The following GLT1D1 variants were observed in gnomAD, a reference collection of about 807,000 sequenced individuals.
GLT1D1 encodes the protein glycosyltransferase 1 domain containing 1.
GLT1D1 carries 21 observed loss-of-function variants against 28.7 expected under a neutral mutation model. The ratio of observed to expected loss-of-function variants is 0.73; its 90% confidence interval spans 0.52 to 1.05. The LOEUF is 1.05. GLT1D1 is among the 50% of genes least tolerant of loss of function. The probability of loss-of-function intolerance (pLI) is 0.00; values close to 1 mark genes in which losing one functional copy is unlikely to be tolerated. For synonymous variants in GLT1D1, 147 were observed against 124.8 expected (o/e 1.18, Z -1.19); for missense variants, 343 against 330.6 (o/e 1.04, Z -0.29).
intron 4 of GLT1D1, among the ~76,000 whole-genome samples, chr12:128,913,219 A>T (rs1256479086): frequency 6.6e-6 from 1 of 151,746 alleles, no homozygotes; most frequent in African/African-American, 2.4e-5. Flanking sequence ...GTTTAAACAC[A>T]GTTTTTTGTT....
At chr12:128,885,794 T>A (rs1957161250) in intron 2 of GLT1D1, among the ~76,000 whole-genome samples, 1 of 152,196 alleles carries the variant, frequency 6.6e-6, no homozygotes, top group Admixed American at 6.5e-5. Flanking sequence ...GTGTGTATCT[T>A]TTAGGTGTCT....
chr12:128,886,772 G>A (rs928111902), intron 2 of GLT1D1, among the ~76,000 whole-genome samples: 1 of 151,892 alleles, frequency 6.6e-6, no homozygotes, highest in Non-Finnish European at 1.5e-5. Flanking sequence ...TGGGAATTAG[G>A]ATGTGGACAT....
At chr12:128,883,188 T>G (rs1342829262) in intron 2 of GLT1D1, among the ~76,000 whole-genome samples, 1 of 150,884 alleles carries the variant, frequency 6.6e-6, no homozygotes, top group Non-Finnish European at 1.5e-5. Flanking sequence ...CCTCCCAAAG[T>G]GCTGGGATTA....
chr12:128,883,160 G>A (rs540938115), intron 2 of GLT1D1, among the ~76,000 whole-genome samples: 7 of 151,052 alleles, frequency 4.6e-5, no homozygotes, highest in South Asian at 4.2e-4. Flanking sequence ...TCCTGACCTC[G>A]TTATCTGCCC....
chr12:128,911,909 C>T (rs1871571338), intron 4 of GLT1D1, among the ~76,000 whole-genome samples: 1 of 152,040 alleles, frequency 6.6e-6, no homozygotes, highest in Admixed American at 6.6e-5. Context: ...AAGGATCTGC[C>T]TCCTGGGGCC....
At chr12:128,896,686 C>G (rs1869675089) in intron 3 of GLT1D1, among the ~76,000 whole-genome samples, 1 of 150,548 alleles carries the variant, frequency 6.6e-6, no homozygotes, top group Non-Finnish European at 1.5e-5. Context: ...TTCAAGCGGT[C>G]CCCCTGCCTC....
At chr12:128,926,375 T>G in intron 4 of GLT1D1, 1 of 1,522,304 alleles carries the variant, frequency 6.6e-7, no homozygotes, top group Non-Finnish European at 8.8e-7. Context: ...ACCAAAGTGC[T>G]GATAATTTGC....
rs757636287 is a variant in GLT1D1, at chr12:128,965,710, TAAAAA to T, written c.639+8088_639+8092del. On this transcript the variant is annotated intron_variant, in intron 7 of 7. Coordinates refer to ENST00000281703, the MANE Select transcript of GLT1D1 (RefSeq NM_144669.3). ...AACATGGCAAAGTCTTGTCTCTGCTTAAAAAAAAAAAAAAAAAAAAAAAAAGAAAA... is the reference window on the plus strand; with the variant it reads ...AACATGGCAAAGTCTTGTCTCTGCTTAAAAAAAAAAAAAAAAAAAAGAAAA... 5.2e-3 allele frequency among the ~76,000 whole-genome samples: 541 copies of T among 104,694 alleles called. 7 individuals are homozygous for T. The highest frequency in any genetic ancestry group is 0.011 in the African/African-American group (318 of 28,222). The allele number at this position is 104,694 out of a possible 152,430, so 68.7% of individuals were successfully genotyped here. A position where few individuals can be genotyped will look rare whatever the true frequency, so the allele number is the denominator to read the frequency against.
intron 6 of GLT1D1, among the ~76,000 whole-genome samples, chr12:128,955,372 A>C (rs1271434600): frequency 6.6e-6 from 1 of 152,126 alleles, no homozygotes; most frequent in East Asian, 1.9e-4. Context: ...AGGTTGATCA[A>C]GGCACTGCTA....
In GLT1D1 at chr12:128,945,365, A is replaced by G; in HGVS notation, c.415A>G (p.Lys139Glu). 1 of 1,613,678 alleles carries G rather than the reference A, an allele frequency of 6.2e-7. No individual in the cohort carries two copies. The highest frequency in any genetic ancestry group is 8.5e-7 in the Non-Finnish European group (1 of 1,179,534). The change falls in exon 5 of 8, where the codon AAA becomes GAA. Residue 139 changes from lysine (K) to glutamate (E), a missense_variant. Lys to Glu is a moderately conservative substitution (Grantham distance 56, BLOSUM62 1). Transcript: ENST00000281703. Reference sequence around the variant, plus strand: ...TACAAGGGAAGTGAAAGCCAAAGTGAAAAGGTAAGAGTTGGTGGAGACCAG... The same window carrying G: ...TACAAGGGAAGTGAAAGCCAAAGTGGAAAGGTAAGAGTTGGTGGAGACCAG...
chr12:128,971,465 CCTCTGCCTCCCTCCCTCCCTCT>C (rs1431081171), intron 7 of GLT1D1, among the ~76,000 whole-genome samples: 4 of 109,452 alleles, frequency 3.7e-5, no homozygotes, highest in Non-Finnish European at 5.8e-5. Context: ...TCCATCCCTC[CCTCTGCCTCCCTCCCTCCCTCT>C]CTCTACCTCC....
rs565041836 is a variant in GLT1D1 at position 128,899,306 on chromosome 12, T to C, written c.375+19T>C. Reference sequence around the variant, plus strand: ...GCAGTGGGTATGTGTTTATCTGGTGTTGTTATTTTGGTTGTGCTGATGAAA... The same window carrying C: ...GCAGTGGGTATGTGTTTATCTGGTGCTGTTATTTTGGTTGTGCTGATGAAA... On this transcript the variant is annotated intron_variant, in intron 4 of 7. Transcript: ENST00000281703. The C allele has an allele frequency of 7.1e-5, 100 of 1,407,146 alleles. No individual in the cohort carries two copies. The highest frequency in any genetic ancestry group is 9.8e-5 in the Non-Finnish European group (99 of 1,013,166). 87.2% of individuals were successfully genotyped at this position (1,407,146 alleles called of 1,614,324 possible).
At chr12:128,974,225 G>T (rs1047993471) in intron 7 of GLT1D1, among the ~76,000 whole-genome samples, 1 of 152,136 alleles carries the variant, frequency 6.6e-6, no homozygotes, top group Non-Finnish European at 1.5e-5. Flanking sequence ...AGCTCTGTGC[G>T]TTTTTACTAG....
chr12:128,869,754 G>A (rs894655441), intron 1 of GLT1D1, among the ~76,000 whole-genome samples: 9 of 151,882 alleles, frequency 5.9e-5, no homozygotes, highest in Non-Finnish European at 1.3e-4. Context: ...GCAGATGGGC[G>A]TCCCCTCCTG....
intron 2 of GLT1D1, among the ~76,000 whole-genome samples, chr12:128,881,155 C>T (rs498417): frequency 1.8e-3 from 242 of 135,450 alleles, no homozygotes; most frequent in African/African-American, 5.8e-3. Context: ...ACCCGGGAGG[C>T]GGAGCTTGCA....
At chr12:128,908,733 A>G (rs977073414) in intron 4 of GLT1D1, among the ~76,000 whole-genome samples, 2 of 151,940 alleles carry the variant, frequency 1.3e-5, no homozygotes, top group Admixed American at 1.3e-4. Flanking sequence ...GCGGATCACG[A>G]GGTCAGGAGA....
chr12:128,982,239 T>A (rs892607201), intron 7 of GLT1D1, among the ~76,000 whole-genome samples: 1 of 152,008 alleles, frequency 6.6e-6, no homozygotes, highest in African/African-American at 2.4e-5. Context: ...CCCTGGGACT[T>A]GGGGTAGGGC....
intron 4 of GLT1D1, among the ~76,000 whole-genome samples, chr12:128,932,706 C>T (rs1254167203): frequency 6.6e-6 from 1 of 152,148 alleles, no homozygotes; most frequent in African/African-American, 2.4e-5. Context: ...CTCCCACATC[C>T]AATCGCGGTT....
chr12:128,897,608 G>A lies in GLT1D1; in HGVS notation c.324-1628G>A, dbSNP rs568396214. Among the ~76,000 whole-genome samples, 144 of 152,136 alleles carry A rather than the reference G, an allele frequency of 9.5e-4. No homozygotes were observed. In the Middle Eastern group the frequency reaches 0.017, roughly 18 times the overall value. On this transcript the variant is annotated intron_variant, in intron 3 of 7. Coordinates refer to ENST00000281703, the MANE Select transcript of GLT1D1 (RefSeq NM_144669.3). ...CATCTTTTGAGATATATGATATAAG[G>A]TAGGAAACTAACTTTTTCCATGTAT...
Sources: allele counts gnomAD v4.1 joint callset (sites outside exome capture counted in the v4.1 genomes callset), GRCh38; gene constraint gnomAD v4.1.1; transcripts MANE v1.5; gene names NCBI Gene and HGNC (gene_info 2026-07-23, HGNC 2026-07-21).